Variants in RBMS1 observed in about 807,000 individuals in gnomAD.
RBMS1 encodes RNA-binding motif, single-stranded-interacting protein 1.
In RBMS1, 17 loss-of-function variants were observed where a neutral mutation model predicts 62.3. That is an observed-to-expected ratio of 0.27 (90% confidence interval 0.19 to 0.41). The LOEUF (loss-of-function observed/expected upper bound fraction) is 0.41, where lower values mean the gene tolerates loss of function less well. Ranked by LOEUF, RBMS1 falls within the 10% of genes least tolerant of loss-of-function variation. The probability of loss-of-function intolerance (pLI) is 1.00; values close to 1 mark genes in which losing one functional copy is unlikely to be tolerated. For synonymous variants in RBMS1, 172 were observed against 170.0 expected, an observed-to-expected ratio of 1.01 and a Z score of -0.09; for missense variants, 334 against 504.5, an observed-to-expected ratio of 0.66 and a Z score of 3.24.
chr2:160,353,016 T>C lies in RBMS1; in HGVS notation c.251+14200A>G, dbSNP rs558914716. 3.9e-5 allele frequency among the ~76,000 whole-genome samples: 6 copies of C among 152,212 alleles called. No individual in the cohort carries two copies. The South Asian group carries it at 6.2e-4, about 16-fold the overall frequency. ...CAAGACAAAATGAGCTTGTTAAAAA[T>C]TAAAACCTTTTGCAGCTGCATAAGG... On this transcript the variant is annotated intron_variant, in intron 2 of 13. Transcript: ENST00000348849.
chr2:160,422,005 C>A (rs1406145386), intron 1 of RBMS1, among the ~76,000 whole-genome samples: 4 of 152,160 alleles, frequency 2.6e-5, no homozygotes, highest in Non-Finnish European at 4.4e-5. Flanking sequence ...AAGGAATGGG[C>A]TTTCAAGAAG....
intron 1 of RBMS1, among the ~76,000 whole-genome samples, chr2:160,425,529 G>A (rs1682513344): frequency 6.6e-6 from 1 of 152,204 alleles, no homozygotes; most frequent in Non-Finnish European, 1.5e-5. Flanking sequence ...CCATGAGCAA[G>A]CAATGCTGGA....
chr2:160,465,214 T>C (rs1301667789), intron 1 of RBMS1, among the ~76,000 whole-genome samples: 1 of 152,218 alleles, frequency 6.6e-6, no homozygotes. Context: ...GTATTTGGCA[T>C]AGTCATTATG....
intron 1 of RBMS1, among the ~76,000 whole-genome samples, chr2:160,404,632 A>G (rs1477288946): frequency 2.0e-5 from 3 of 152,228 alleles, no homozygotes; most frequent in Non-Finnish European, 4.4e-5. Context: ...GCCATCCTGG[A>G]ACCAATCTTC....
At chr2:160,303,861 T>G (rs569120166) in intron 4 of RBMS1, among the ~76,000 whole-genome samples, 1 of 152,314 alleles carries the variant, frequency 6.6e-6, no homozygotes, top group African/African-American at 2.4e-5. Context: ...TTATTTCAAT[T>G]TAATTATTGC....
At chr2:160,381,429 C>G (rs960503911) in intron 1 of RBMS1, among the ~76,000 whole-genome samples, 6 of 152,186 alleles carry the variant, frequency 3.9e-5, no homozygotes, top group Admixed American at 2.6e-4. Flanking sequence ...CCCCAGAGAA[C>G]TAAGTGTTAC....
chr2:160,325,100 T>C (rs1052764208), intron 2 of RBMS1, among the ~76,000 whole-genome samples: 3 of 151,756 alleles, frequency 2.0e-5, no homozygotes, highest in African/African-American at 7.3e-5. Flanking sequence ...GCTTTGGAGT[T>C]TAAAGGCCAA....
At chr2:160,330,383 G>A (rs1201884405) in intron 2 of RBMS1, among the ~76,000 whole-genome samples, 1 of 152,138 alleles carries the variant, frequency 6.6e-6, no homozygotes, top group Non-Finnish European at 1.5e-5. Context: ...ACATAAATCA[G>A]GTCATTGGTG....
At chr2:160,378,108 C>G (rs1394365460) in intron 1 of RBMS1, among the ~76,000 whole-genome samples, 1 of 151,338 alleles carries the variant, frequency 6.6e-6, no homozygotes, top group Non-Finnish European at 1.5e-5. Flanking sequence ...CTTAGATGTC[C>G]AGGTCTATGC....
chr2:160,382,687 C>T (rs1694338629), intron 1 of RBMS1, among the ~76,000 whole-genome samples: 1 of 152,104 alleles, frequency 6.6e-6, no homozygotes, highest in South Asian at 2.1e-4. Context: ...AAAATGACAC[C>T]TTCACTCCAA....
chr2:160,458,898 G>A (rs1202076147), intron 1 of RBMS1, among the ~76,000 whole-genome samples: 1 of 152,124 alleles, frequency 6.6e-6, no homozygotes, highest in Admixed American at 6.5e-5. Context: ...GATGGGGCGG[G>A]CCCTTACACT....
At chr2:160,475,601 A>G (rs1451943471) in intron 1 of RBMS1, among the ~76,000 whole-genome samples, 4 of 152,196 alleles carry the variant, frequency 2.6e-5, no homozygotes, top group Non-Finnish European at 5.9e-5. Flanking sequence ...CTGCCAACAC[A>G]TTTGTAAACA....
At chr2:160,438,166 G>C (rs1249688638) in intron 1 of RBMS1, among the ~76,000 whole-genome samples, 1 of 151,852 alleles carries the variant, frequency 6.6e-6, no homozygotes. Context: ...AATATTCTTC[G>C]AGATCATTAT....
chr2:160,305,484 G>A (rs1044580689), intron 4 of RBMS1, among the ~76,000 whole-genome samples: 3 of 152,198 alleles, frequency 2.0e-5, no homozygotes, highest in African/African-American at 7.2e-5. Context: ...ACATAGCCTA[G>A]GTGTACAGCA....
In RBMS1 at chr2:160,275,728, A is replaced by G. The variant is rs1392353236; in HGVS notation, c.1144-14T>C. ...ACCACTTGCCTCCTACAACAAACAA[A>G]GCAGAATGGATGAGACATGTTAGTG... On this transcript the variant is annotated splice_polypyrimidine_tract_variant and intron_variant, in intron 12 of 13. Transcript: ENST00000348849. 2 of 1,613,462 alleles carry G rather than the reference A, an allele frequency of 1.2e-6. No individual in the cohort carries two copies. The highest frequency in any genetic ancestry group is 1.7e-5 in the Admixed American group (1 of 59,994).
At chr2:160,491,250 T>C (rs528721802) in intron 1 of RBMS1, among the ~76,000 whole-genome samples, 92 of 152,334 alleles carry the variant, frequency 6.0e-4, no homozygotes, top group African/African-American at 2.2e-3. Flanking sequence ...TACCAAACTT[T>C]AATACCATGT....
intron 1 of RBMS1, among the ~76,000 whole-genome samples, chr2:160,419,729 A>G (rs377562041): frequency 2.4e-4 from 36 of 152,352 alleles, no homozygotes; most frequent in African/African-American, 8.4e-4. Context: ...GTGACTACAT[A>G]GCCGGTTATA....
chr2:160,399,470 G>A (rs1199571802), intron 1 of RBMS1, among the ~76,000 whole-genome samples: 1 of 151,106 alleles, frequency 6.6e-6, no homozygotes, highest in Non-Finnish European at 1.5e-5. Flanking sequence ...CCCCTAATGT[G>A]CACCAGTATT....
chr2:160,486,898 C>G (rs965050387), intron 1 of RBMS1, among the ~76,000 whole-genome samples: 1 of 152,164 alleles, frequency 6.6e-6, no homozygotes. Flanking sequence ...AAACATCATT[C>G]CAAATGGCTC....
Sources: allele counts gnomAD v4.1 joint callset (sites outside exome capture counted in the v4.1 genomes callset), GRCh38; gene constraint gnomAD v4.1.1; transcripts MANE v1.5; gene names NCBI Gene and HGNC (gene_info 2026-07-23, HGNC 2026-07-21).